CNKSR3: variants seen among roughly 807,000 people sequenced by gnomAD.
CNKSR3 encodes CNKSR family member 3, also known as connector enhancer of kinase suppressor of ras 3.
In CNKSR3, 36 loss-of-function variants were observed where a neutral mutation model predicts 67.7. The ratio of observed to expected loss-of-function variants is 0.53; its 90% CI spans 0.41 to 0.70. CNKSR3 has a LOEUF of 0.70. Ranked by LOEUF, CNKSR3 falls within the 30% of genes least tolerant of loss-of-function variation. The pLI is 0.00. For synonymous variants in CNKSR3, 281 were observed against 271.4 expected, an observed-to-expected ratio of 1.04 and a Z score of -0.35; for missense variants, 630 against 695.2, an observed-to-expected ratio of 0.91 and a Z score of 1.05.
chr6:154,482,962 G>A (rs1372442850), intron 1 of CNKSR3, among the ~76,000 whole-genome samples: 2 of 152,172 alleles, frequency 1.3e-5, no homozygotes, highest in Non-Finnish European at 2.9e-5. Flanking sequence ...ATTTCTGCCT[G>A]CCACGTTAGA....
intron 1 of CNKSR3, among the ~76,000 whole-genome samples, chr6:154,456,615 G>A (rs1483096872): frequency 6.8e-6 from 1 of 147,460 alleles, no homozygotes; most frequent in African/African-American, 2.5e-5. Context: ...GCTGAGGCAG[G>A]AGAATCAGTT....
intron 1 of CNKSR3, among the ~76,000 whole-genome samples, chr6:154,508,960 A>G (rs1335896085): frequency 3.3e-5 from 5 of 152,216 alleles, no homozygotes; most frequent in Non-Finnish European, 4.4e-5. Context: ...TGGTCTTACC[A>G]GTATTACCTA....
At chr6:154,417,941 C>T (rs920081109) in intron 9 of CNKSR3, among the ~76,000 whole-genome samples, 2 of 152,274 alleles carry the variant, frequency 1.3e-5, no homozygotes, top group African/African-American at 4.8e-5. Context: ...CCCAGCCTGG[C>T]ACTCCATACC....
intron 10 of CNKSR3, among the ~76,000 whole-genome samples, chr6:154,413,153 C>CAT (rs1173817365): frequency 7.0e-6 from 1 of 142,218 alleles, no homozygotes; most frequent in Non-Finnish European, 1.6e-5. Context: ...CACACACACA[C>CAT]ACACACACAC....
chr6:154,484,844 G>A (rs527244041), intron 1 of CNKSR3, among the ~76,000 whole-genome samples: 2 of 152,098 alleles, frequency 1.3e-5, no homozygotes, highest in East Asian at 3.9e-4. Flanking sequence ...AAGCTTCTTT[G>A]AGAGTTTAAC....
chr6:154,415,298 T>C (rs2128712444), intron 9 of CNKSR3, among the ~76,000 whole-genome samples: 1 of 144,552 alleles, frequency 6.9e-6, no homozygotes, highest in African/African-American at 2.6e-5. Context: ...TGGCGCCATC[T>C]TGGCTCACTG....
intron 1 of CNKSR3, among the ~76,000 whole-genome samples, chr6:154,450,774 A>C (rs919148999): frequency 1.3e-5 from 2 of 152,180 alleles, no homozygotes; most frequent in East Asian, 1.9e-4. Context: ...TTGATATTTG[A>C]TATATGGACA....
At chr6:154,437,414 T>TTC (rs1413229495) in intron 4 of CNKSR3, among the ~76,000 whole-genome samples, 4 of 146,496 alleles carry the variant, frequency 2.7e-5, no homozygotes, top group South Asian at 2.3e-4. Flanking sequence ...TATGTTCTTT[T>TTC]TTTTTTTTTT....
At position 154,433,508 on chromosome 6, in the gene CNKSR3, C is replaced by T. The variant is rs1679045135; in HGVS notation, c.508-1G>A. ...CCTCCATTTCCGCTACAAAGCAATCCTAAAGAAGGGGATGGAGAAAATGAA... is the reference window on the plus strand; with the variant it reads ...CCTCCATTTCCGCTACAAAGCAATCTTAAAGAAGGGGATGGAGAAAATGAA... On this transcript the variant is annotated splice_acceptor_variant, in intron 4 of 12. Coordinates refer to ENST00000607772, the MANE Select transcript of CNKSR3 (RefSeq NM_173515.4). LOFTEE classifies it high-confidence loss of function. The T allele has an allele frequency of 6.3e-7, 1 of 1,586,724 alleles. No individual in the cohort carries two copies. Among genetic ancestry groups the T allele is most frequent in the South Asian group, 1.1e-5 (1 of 88,408 alleles).
intron 1 of CNKSR3, among the ~76,000 whole-genome samples, chr6:154,463,281 G>C (rs1243992103): frequency 6.6e-6 from 1 of 152,102 alleles, no homozygotes; most frequent in African/African-American, 2.4e-5. Context: ...GTGTTAGCCA[G>C]GATGGTCTTG....
At chr6:154,502,779 A>T (rs1383343612) in intron 1 of CNKSR3, among the ~76,000 whole-genome samples, 2 of 152,198 alleles carry the variant, frequency 1.3e-5, no homozygotes, top group East Asian at 3.8e-4. Flanking sequence ...TTTTCACTTA[A>T]AGCTTACATA....
chr6:154,450,438 C>T (rs1209408734), intron 1 of CNKSR3, among the ~76,000 whole-genome samples, 180 bp from the exon 2 acceptor site: 1 of 152,174 alleles, frequency 6.6e-6, no homozygotes, highest in Admixed American at 6.5e-5. Context: ...AACAGGTTTT[C>T]AAGGGCAGCT....
chr6:154,414,664 G>A, intron 9 of CNKSR3: 1 of 593,608 alleles, frequency 1.7e-6, no homozygotes, highest in Non-Finnish European at 3.3e-6. Context: ...GGAGCCAGGT[G>A]CCAGGGTTAT....
chr6:154,411,915 C>A (rs975545501), intron 10 of CNKSR3, among the ~76,000 whole-genome samples: 11 of 152,106 alleles, frequency 7.2e-5, no homozygotes, highest in Non-Finnish European at 1.0e-4. Flanking sequence ...TTATAGTAAC[C>A]AATGGAGAGT....
chr6:154,483,573 C>T (rs1786609953), intron 1 of CNKSR3, among the ~76,000 whole-genome samples: 1 of 152,008 alleles, frequency 6.6e-6, no homozygotes, highest in Non-Finnish European at 1.5e-5. Context: ...CGAAACAAAA[C>T]AAAAAACACT....
At chr6:154,464,464 C>T (rs995787913) in intron 1 of CNKSR3, among the ~76,000 whole-genome samples, 1 of 152,180 alleles carries the variant, frequency 6.6e-6, no homozygotes, top group African/African-American at 2.4e-5. Context: ...CACCTGTAAT[C>T]CCAGCCCTTT....
chr6:154,419,817 C>A (rs867480675), intron 9 of CNKSR3, among the ~76,000 whole-genome samples: 23 of 152,116 alleles, frequency 1.5e-4, no homozygotes, highest in Admixed American at 3.3e-4. Context: ...TGGTGGCTCA[C>A]GCCTGTAATC....
intron 1 of CNKSR3, among the ~76,000 whole-genome samples, chr6:154,486,556 G>A (rs184017446): frequency 1.3e-4 from 20 of 148,178 alleles, no homozygotes; most frequent in Admixed American, 8.0e-4. Context: ...GCAATGGCAC[G>A]ATCTTGGCTC....
At chr6:154,470,181 T>C (rs1477927231) in intron 1 of CNKSR3, among the ~76,000 whole-genome samples, 1 of 123,490 alleles carries the variant, frequency 8.1e-6, no homozygotes, top group Non-Finnish European at 1.6e-5. Flanking sequence ...AGAACCTACT[T>C]TCTTTCCTTT....
Sources: gnomAD v4.1 joint callset for allele counts (sites outside exome capture counted in the v4.1 genomes callset) on GRCh38, gnomAD v4.1.1 for gene constraint, MANE v1.5 for transcripts, NCBI Gene and HGNC (gene_info 2026-07-23, HGNC 2026-07-21) for gene names.